HAUS1: variants seen among roughly 807,000 people sequenced by gnomAD.
HAUS1 encodes the protein HAUS augmin like complex subunit 1.
HAUS1 carries 25 observed loss-of-function variants against 38.6 expected under a neutral mutation model. That is an observed-to-expected ratio of 0.65 (90% CI 0.47 to 0.91). The LOEUF (loss-of-function observed/expected upper bound fraction) is 0.91. Among genes scored for constraint, HAUS1 ranks in the 40% least tolerant of loss-of-function variants. The probability of loss-of-function intolerance (pLI) is 0.00; values close to 1 mark genes in which losing one functional copy is unlikely to be tolerated. For missense variants in HAUS1, 325 were observed against 328.4 expected (o/e 0.99, Z 0.08); for synonymous variants, 109 against 112.9 (o/e 0.97, Z 0.22).
intron 1 of HAUS1, among the ~76,000 whole-genome samples, chr18:46,104,939 T>C (rs957925125): frequency 3.3e-5 from 5 of 152,180 alleles, no homozygotes; most frequent in African/African-American, 1.2e-4. Flanking sequence ...TGTTAGCCTG[T>C]ACCGCTTTTG....
chr18:46,125,508 C>T (rs1912076326), intron 7 of HAUS1, among the ~76,000 whole-genome samples: 1 of 149,256 alleles, frequency 6.7e-6, no homozygotes, highest in South Asian at 2.1e-4. Flanking sequence ...GATTGAGCCA[C>T]TGCACTCCAG....
At position 46,120,511 on chromosome 18, in the gene HAUS1, G is replaced by A. The variant is rs572195376; in HGVS notation, c.476+451G>A. ...GGCCTCCCAAAGTGCTGGGATTACA[G>A]GCGTGAGCCACTGCGCCCGGCCTGA... On this transcript the variant is annotated intron_variant, in intron 4 of 8. Transcript: ENST00000282058. 5.1e-4 allele frequency among the ~76,000 whole-genome samples: 77 copies of A among 152,248 alleles called. 1 individual carries two copies. Among genetic ancestry groups the A allele is most frequent in the African/African-American group, 1.8e-3 (73 of 41,562 alleles).
chr18:46,123,128 A>G (rs1402600277), intron 5 of HAUS1, 171 bp from the exon 6 acceptor site: 5 of 540,742 alleles, frequency 9.2e-6, no homozygotes, highest in Non-Finnish European at 1.7e-5. Flanking sequence ...GGAGAATGAC[A>G]TGAACCCGGG....
intron 2 of HAUS1, among the ~76,000 whole-genome samples, chr18:46,108,270 TC>T (rs1035440476): frequency 6.8e-6 from 1 of 146,486 alleles, no homozygotes; most frequent in Non-Finnish European, 1.5e-5. Flanking sequence ...GGAATTTACT[TC>T]TTTTTTTTTT....
chr18:46,120,573 A>G (rs554402347), intron 4 of HAUS1, among the ~76,000 whole-genome samples: 1 of 151,496 alleles, frequency 6.6e-6, no homozygotes, highest in South Asian at 2.1e-4. Context: ...TTTACTTCAT[A>G]CAATTTCTTA....
intron 8 of HAUS1, 48 bp from the exon 9 acceptor site, chr18:46,128,027 G>A (rs202184670): frequency 9.1e-7 from 1 of 1,097,272 alleles, no homozygotes; most frequent in East Asian, 2.7e-5. Flanking sequence ...ATAAAAGTTA[G>A]AGCATCTGTT....
chr18:46,105,461 C>G, intron 2 of HAUS1, 93 bp downstream of exon 2: 1 of 1,053,466 alleles, frequency 9.5e-7, no homozygotes, highest in South Asian at 1.8e-5. Context: ...CTGTAGACTA[C>G]TTGTTTTGCT....
At chr18:46,125,546 C>CA (rs34079682) in intron 7 of HAUS1, among the ~76,000 whole-genome samples, 198 bp from the exon 8 acceptor site, 35,422 of 122,446 alleles carry the variant, frequency 0.29, 4,939 homozygotes, top group Middle Eastern at 0.51. Flanking sequence ...GACTCTGTCT[C>CA]AAAAAAAAAA....
rs774812485 is a variant in HAUS1, at chr18:46,128,041, T to C, written c.787-34T>C. Reference sequence around the variant, plus strand: ...AATAAAAGTTAGAGCATCTGTTTTATGTCCTTATCTATGGTATGTCTTTCT... The same window carrying C: ...AATAAAAGTTAGAGCATCTGTTTTACGTCCTTATCTATGGTATGTCTTTCT... On this transcript the variant is annotated intron_variant, in intron 8 of 8. Transcript: ENST00000282058. 3 of 1,355,092 alleles carry C rather than the reference T, an allele frequency of 2.2e-6. No individual in the cohort carries two copies. The East Asian group carries it at 7.2e-5, about 33-fold the overall frequency. 83.9% of individuals were successfully genotyped at this position (1,355,092 alleles called of 1,614,324 possible).
chr18:46,112,962 G>GGAATA (rs1264888047), intron 2 of HAUS1, among the ~76,000 whole-genome samples: 17 of 53,736 alleles, frequency 3.2e-4, no homozygotes, highest in South Asian at 1.1e-3. Flanking sequence ...TATATAATAT[G>GGAATA]TATATATTCC....
At position 46,113,007 on chromosome 18, in the gene HAUS1, G is replaced by GAATATATATATTCCATATAATATATAT. The variant is rs1911704851; in HGVS notation, c.206-5156_206-5155insAATATATATAATATATATATTCCATAT. On this transcript the variant is annotated intron_variant, in intron 2 of 8. Transcript: ENST00000282058. ...ATATAATATATATTCCATATATATG[G>GAATATATATATTCCATATAATATATAT]AATATATATATTCCATATTATATAT... is the stretch of plus-strand genomic sequence containing the variant. Among the ~76,000 whole-genome samples, 6 of 54,224 alleles carry GAATATATATATTCCATATAATATATAT rather than the reference G, an allele frequency of 1.1e-4. 1 individual carries two copies. The highest frequency in any genetic ancestry group is 8.4e-4 in the Admixed American group (4 of 4,778). The allele number at this position is 54,224 out of a possible 152,430, so 35.6% of individuals were successfully genotyped here.
intron 5 of HAUS1, 31 bp downstream of exon 5, chr18:46,122,621 C>G (rs1290311502): frequency 1.2e-6 from 2 of 1,611,186 alleles, no homozygotes; most frequent in Non-Finnish European, 1.7e-6. Flanking sequence ...ATAGTTAGCT[C>G]TCTTCGGCCT....
chr18:46,118,135 T>G (rs1911843355), intron 2 of HAUS1, 46 bp from the exon 3 acceptor site: 1 of 1,602,446 alleles, frequency 6.2e-7, no homozygotes, highest in East Asian at 2.2e-5. Flanking sequence ...TGTTAAAAAT[T>G]TTTAAAAAAG....
At chr18:46,116,932 A>T (rs1911811970) in intron 2 of HAUS1, among the ~76,000 whole-genome samples, 1 of 151,866 alleles carries the variant, frequency 6.6e-6, no homozygotes, top group African/African-American at 2.4e-5. Context: ...AGATCGTGCC[A>T]CTGTTCTCCA....
chr18:46,121,749 TTTC>T (rs1911948439), intron 4 of HAUS1: 1 of 152,178 alleles, frequency 6.6e-6, no homozygotes, highest in Admixed American at 6.5e-5. Context: ...GCTGATTTAC[TTTC>T]TTCAAGAATA....
At chr18:46,113,053 TATATATATA>T (rs1238394785) in intron 2 of HAUS1, among the ~76,000 whole-genome samples, 2 of 133,498 alleles carry the variant, frequency 1.5e-5, no homozygotes, top group African/African-American at 2.9e-5. Context: ...TATTCCATAT[TATATATATA>T]ATATATATAT....
At chr18:46,117,981 AG>A (rs1911840123) in intron 2 of HAUS1, among the ~76,000 whole-genome samples, 199 bp from the exon 3 acceptor site, 1 of 152,070 alleles carries the variant, frequency 6.6e-6, no homozygotes, top group Non-Finnish European at 1.5e-5. Context: ...GTGATGACTA[AG>A]GGATGTAGAG....
chr18:46,126,467 A>G (rs1599820001), intron 8 of HAUS1, among the ~76,000 whole-genome samples: 2 of 152,186 alleles, frequency 1.3e-5, no homozygotes, highest in Admixed American at 1.3e-4. Flanking sequence ...GCTTAGAAAC[A>G]TGAAATGTAA....
chr18:46,105,964 GTC>G (rs1911464164), intron 2 of HAUS1, among the ~76,000 whole-genome samples: 1 of 152,102 alleles, frequency 6.6e-6, no homozygotes, highest in Non-Finnish European at 1.5e-5. Context: ...CCTTAAAAGA[GTC>G]TAAACTTGTT....
Sources: allele counts gnomAD v4.1 joint callset (sites outside exome capture counted in the v4.1 genomes callset), GRCh38; gene constraint gnomAD v4.1.1; transcripts MANE v1.5; gene names NCBI Gene and HGNC (gene_info 2026-07-23, HGNC 2026-07-21).